Variants in HVCN1 observed in about 807,000 individuals in gnomAD.
The protein encoded by HVCN1 is hydrogen voltage gated channel 1.
In HVCN1, 14 loss-of-function variants were observed where a neutral mutation model predicts 29.2. The ratio of observed to expected loss-of-function variants is 0.48; its 90% CI spans 0.32 to 0.75. HVCN1 has a LOEUF of 0.75. Ranked by LOEUF, HVCN1 falls within the 30% of genes least tolerant of loss-of-function variation. The probability of loss-of-function intolerance (pLI) is 0.04; values close to 1 mark genes in which losing one functional copy is unlikely to be tolerated. For synonymous variants in HVCN1, 131 were observed against 133.2 expected, an observed-to-expected ratio of 0.98 and a Z score of 0.11; for missense variants, 263 against 341.8, an observed-to-expected ratio of 0.77 and a Z score of 1.82.
At chr12:110,694,293 C>T (rs550812332), upstream of HVCN1, among the ~76,000 whole-genome samples, 5 of 152,344 alleles carry the variant, frequency 3.3e-5, no homozygotes, top group African/African-American at 1.2e-4. This position sits in a 1 kb window ranked among gnomAD's most constrained non-coding sequence, Gnocchi z 4.6. Context: ...AGCTCCTAGG[C>T]TCAAGGGATC....
At chr12:110,668,905 C>A (rs1477673488) in intron 3 of HVCN1, among the ~76,000 whole-genome samples, 1 of 152,192 alleles carries the variant, frequency 6.6e-6, no homozygotes, top group Non-Finnish European at 1.5e-5. Flanking sequence ...CCTGCTATCT[C>A]TGGCCACCCT....
At chr12:110,650,616 G>C (rs1036804184) in intron 6 of HVCN1, among the ~76,000 whole-genome samples, 1 of 152,144 alleles carries the variant, frequency 6.6e-6, no homozygotes, top group Non-Finnish European at 1.5e-5. Flanking sequence ...CACAGGCTGG[G>C]AAATGCCCCC....
chr12:110,703,364 A>G (rs2069580556), intron 1 of HVCN1, among the ~76,000 whole-genome samples: 1 of 151,908 alleles, frequency 6.6e-6, no homozygotes, highest in South Asian at 2.1e-4. Context: ...CCTCCAGCTT[A>G]GAAGACAGAG....
intron 3 of HVCN1, among the ~76,000 whole-genome samples, chr12:110,670,263 T>TA (rs2068529106): frequency 6.6e-6 from 1 of 152,208 alleles, no homozygotes; most frequent in Non-Finnish European, 1.5e-5. Flanking sequence ...GGAAAGTCCC[T>TA]AGTTCATTGT....
intron 4 of HVCN1, among the ~76,000 whole-genome samples, chr12:110,656,601 C>G (rs952881180): frequency 6.6e-6 from 1 of 152,060 alleles, no homozygotes; most frequent in East Asian, 1.9e-4. Context: ...AGGGCCTTGC[C>G]GCTCACACTC....
intron 3 of HVCN1, among the ~76,000 whole-genome samples, chr12:110,674,686 C>T (rs1232540683): frequency 6.6e-6 from 1 of 152,192 alleles, no homozygotes; most frequent in African/African-American, 2.4e-5. Context: ...TTTTGCTTCT[C>T]TCTCATCACC....
At chr12:110,650,857 C>T (rs922414824) in intron 6 of HVCN1, among the ~76,000 whole-genome samples, 1 of 152,036 alleles carries the variant, frequency 6.6e-6, no homozygotes, top group African/African-American at 2.4e-5. Flanking sequence ...CCACACCCAA[C>T]TGATGTTTGT....
intron 5 of HVCN1, among the ~76,000 whole-genome samples, chr12:110,653,539 C>A (rs1328594817): frequency 6.6e-6 from 1 of 151,712 alleles, no homozygotes; most frequent in Non-Finnish European, 1.5e-5. Flanking sequence ...TTGAAAAAAA[C>A]TGCCATTAAA....
At chr12:110,666,616 C>T (rs1044754026) in intron 3 of HVCN1, among the ~76,000 whole-genome samples, 5 of 152,122 alleles carry the variant, frequency 3.3e-5, no homozygotes, top group Admixed American at 6.5e-5. Flanking sequence ...TCTCCTTCCC[C>T]ACAGCCTCCT....
At chr12:110,670,479 A>G (rs2068538409) in intron 3 of HVCN1, among the ~76,000 whole-genome samples, 1 of 152,096 alleles carries the variant, frequency 6.6e-6, no homozygotes, top group Non-Finnish European at 1.5e-5. Flanking sequence ...ATTTTATCAC[A>G]CCTCATATCA....
chr12:110,682,153 A>G (rs547841889), intron 3 of HVCN1, among the ~76,000 whole-genome samples: 15 of 152,106 alleles, frequency 9.9e-5, no homozygotes, highest in African/African-American at 3.6e-4. Flanking sequence ...ATGCCTGGCT[A>G]ATTTTTGTAC....
At chr12:110,695,738 T>TCTCTCTTCATCG (rs1289804803) in intron 2 of HVCN1, among the ~76,000 whole-genome samples, 8 of 152,108 alleles carry the variant, frequency 5.3e-5, no homozygotes, top group Admixed American at 5.2e-4. Context: ...GACAACCTTT[T>TCTCTCTTCATCG]CAGAAGAGAG....
chr12:110,698,685 C>T (rs1593556103), intron 2 of HVCN1, among the ~76,000 whole-genome samples: 1 of 152,344 alleles, frequency 6.6e-6, no homozygotes, highest in East Asian at 1.9e-4. Context: ...GAGTTTCCTC[C>T]TCCTGCGTCT....
At chr12:110,678,448 T>C (rs868359677) in intron 3 of HVCN1, among the ~76,000 whole-genome samples, 1 of 107,884 alleles carries the variant, frequency 9.3e-6, no homozygotes, top group African/African-American at 4.2e-5. Context: ...TCTTTTTTTT[T>C]TTTTTTTTTT....
Position 110,661,473 on chromosome 12 carries a change from G to C in HVCN1, c.22-25C>G, listed in dbSNP as rs777884921. The C allele has an allele frequency of 8.7e-6, 14 of 1,608,262 alleles. No individual in the cohort carries two copies. The highest frequency in any genetic ancestry group is 1.7e-5 in the Admixed American group (1 of 59,786). On this transcript the variant is annotated intron_variant, in intron 3 of 7. Coordinates refer to ENST00000242607, the MANE Select transcript of HVCN1 (RefSeq NM_032369.4). The surrounding 1 kb of genome is among the most constrained non-coding windows in gnomAD (Gnocchi z 6.2). The stretch of plus-strand genomic sequence containing the variant: ...CCTAGAAGGCGGGGACAGAGAGCAA[G>C]AGCTTCAGGCAGTTGGCCACTCAGA...
At chr12:110,699,456 G>T (rs1427755163) in intron 2 of HVCN1, among the ~76,000 whole-genome samples, 2 of 152,040 alleles carry the variant, frequency 1.3e-5, no homozygotes, top group Admixed American at 1.3e-4. Context: ...GTCATTCTAT[G>T]GGGGCCCCAC....
chr12:110,700,457 T>C (rs1271743768), intron 2 of HVCN1, among the ~76,000 whole-genome samples: 1 of 152,068 alleles, frequency 6.6e-6, no homozygotes, highest in East Asian at 1.9e-4. Flanking sequence ...GCAGCCAAGT[T>C]GTAGAAGAGT....
chr12:110,662,880 A>G (rs907701284), intron 3 of HVCN1, among the ~76,000 whole-genome samples: 3 of 152,226 alleles, frequency 2.0e-5, no homozygotes, highest in Non-Finnish European at 4.4e-5. Context: ...AGTAACCAGA[A>G]TATATAAAGA....
intron 3 of HVCN1, among the ~76,000 whole-genome samples, chr12:110,672,102 G>A (rs1226169686): frequency 1.3e-5 from 2 of 152,164 alleles, no homozygotes; most frequent in Non-Finnish European, 2.9e-5. Flanking sequence ...GGACAAAGGA[G>A]GGGATTGGCC....
Sources: allele counts gnomAD v4.1 joint callset (sites outside exome capture counted in the v4.1 genomes callset), GRCh38; gene constraint gnomAD v4.1.1; non-coding constraint Gnocchi (gnomAD v3.1); transcripts MANE v1.5; gene names NCBI Gene and HGNC (gene_info 2026-07-23, HGNC 2026-07-21).